ZSCAN5A: variants seen among roughly 807,000 people sequenced by gnomAD.
ZSCAN5A encodes zinc finger and SCAN domain-containing protein 5A.
Under a neutral mutation model 23.7 loss-of-function variants are expected in ZSCAN5A, and 12 were observed. The ratio of observed to expected loss-of-function variants is 0.51; its 90% CI spans 0.32 to 0.82. ZSCAN5A has a LOEUF of 0.82. Among genes scored for constraint, ZSCAN5A ranks in the 40% least tolerant of loss-of-function variants. The pLI is 0.03. For synonymous variants in ZSCAN5A, 257 were observed against 239.9 expected (o/e 1.07, Z -0.66); for missense variants, 597 against 617.9 (o/e 0.97, Z 0.36).
chr19:56,315,429 T>C (rs1325438793), upstream of ZSCAN5A: 1 of 152,214 alleles, frequency 6.6e-6, no homozygotes, highest in Non-Finnish European at 1.5e-5. Flanking sequence ...AAATGCTGGC[T>C]CCAAAGTGGT....
chr19:56,326,393 A>G (rs897610366), intron 2 of ZSCAN5A, among the ~76,000 whole-genome samples: 3 of 151,520 alleles, frequency 2.0e-5, no homozygotes, highest in African/African-American at 4.9e-5. Context: ...AGGATTCTCT[A>G]TGTTCACCAT....
At chr19:56,250,662 A>G (rs887771709) in intron 2 of ZSCAN5A, among the ~76,000 whole-genome samples, 7 of 152,128 alleles carry the variant, frequency 4.6e-5, no homozygotes, top group Admixed American at 3.3e-4. Flanking sequence ...GAAATATTCA[A>G]TCCTTCTGGT....
In ZSCAN5A at chr19:56,284,206, G is replaced by GGTAA. The variant is rs144123169; in HGVS notation, c.-128+29073_-128+29076dup. On this transcript the variant is annotated intron_variant, in intron 2 of 5. Coordinates refer to ENST00000683990, the MANE Select transcript of ZSCAN5A (RefSeq NM_001322064.3). ...GGATGGGCTGCCATCAGGGATCATA[G>GGTAA]GTAAGTACCTTGCCACTTCACAATG... 3.1e-3 allele frequency: 3,072 copies of GGTAA among 985,264 alleles called. 71 individuals are homozygous for GGTAA. In the African/African-American group the frequency reaches 0.05, roughly 16 times the overall value. The allele number at this position is 985,264 out of a possible 1,614,324, so 61.0% of individuals were successfully genotyped here.
intron 2 of ZSCAN5A, among the ~76,000 whole-genome samples, chr19:56,234,497 TA>T (rs368156018): frequency 0.036 from 5,378 of 148,734 alleles, 317 homozygotes; most frequent in African/African-American, 0.12. Flanking sequence ...ATACCTGTTT[TA>T]AAAAAAAAAC....
At chr19:56,302,615 C>G (rs1209782107) in intron 2 of ZSCAN5A, among the ~76,000 whole-genome samples, 1 of 127,106 alleles carries the variant, frequency 7.9e-6, no homozygotes, top group Non-Finnish European at 1.6e-5. Context: ...TCCTCTCCCT[C>G]TTCCTCCCTC....
intron 2 of ZSCAN5A, among the ~76,000 whole-genome samples, chr19:56,329,776 T>C (rs1328798281): frequency 6.6e-6 from 1 of 152,224 alleles, no homozygotes; most frequent in Non-Finnish European, 1.5e-5. Flanking sequence ...ATCACCATTG[T>C]AATCTGGGTA....
At chr19:56,246,737 TG>T (rs2035932276) in intron 2 of ZSCAN5A, 1 of 1,354,764 alleles carries the variant, frequency 7.4e-7, no homozygotes, top group Middle Eastern at 1.8e-4. Context: ...CCAGCAGGTG[TG>T]GTGGGAGCAA....
intron 2 of ZSCAN5A, among the ~76,000 whole-genome samples, chr19:56,268,629 T>A (rs2146931911): frequency 6.6e-6 from 1 of 152,264 alleles, no homozygotes; most frequent in Non-Finnish European, 1.5e-5. Context: ...ACTTTTTTAA[T>A]TGAGGTAAAA....
chr19:56,353,651 A>T (rs149525290), intron 2 of ZSCAN5A, among the ~76,000 whole-genome samples: 1 of 151,954 alleles, frequency 6.6e-6, no homozygotes, highest in Non-Finnish European at 1.5e-5. Flanking sequence ...GCGTGGTGGC[A>T]GGCACCTGTA....
At chr19:56,274,039 C>T (rs10427066) in intron 2 of ZSCAN5A, among the ~76,000 whole-genome samples, 21,063 of 152,110 alleles carry the variant, frequency 0.14, 1,729 homozygotes, top group Middle Eastern at 0.21. Context: ...AAACAGCTCA[C>T]AGGATTGAGT....
At chr19:56,338,092 C>T (rs2041557877) in intron 2 of ZSCAN5A, among the ~76,000 whole-genome samples, 1 of 152,102 alleles carries the variant, frequency 6.6e-6, no homozygotes, top group East Asian at 1.9e-4. Context: ...TTCCAATGAG[C>T]CCAGAATCTT....
chr19:56,321,137 C>T (rs537028693), intron 2 of ZSCAN5A: 8 of 661,724 alleles, frequency 1.2e-5, no homozygotes, highest in East Asian at 6.2e-5. Context: ...GCTAGGATGT[C>T]GCCCCTCTTC....
rs569370469 is a variant in ZSCAN5A, at chr19:56,251,428, G to A, written c.-127-26255C>T. 7.9e-5 allele frequency among the ~76,000 whole-genome samples: 12 copies of A among 152,206 alleles called. No individual in the cohort carries two copies. In the East Asian group the frequency reaches 2.1e-3, roughly 27 times the overall value. Reference sequence around the variant, plus strand: ...GGAGTTTCGAAAGAGAATCTGCATTGAGAAGCTGTATCAGTCAGAGTCCAA... The same window carrying A: ...GGAGTTTCGAAAGAGAATCTGCATTAAGAAGCTGTATCAGTCAGAGTCCAA... On this transcript the variant is annotated intron_variant, in intron 2 of 5. Coordinates refer to ENST00000683990, the MANE Select transcript of ZSCAN5A (RefSeq NM_001322064.3).
rs191981707 is a variant in ZSCAN5A at position 56,262,309 on chromosome 19, G to A, written c.-127-37136C>T. ...GCTAGGATTACAGGCATGAGCCACCGTGCCCGGCCCACTTTTCTAACTTCT... is the reference window on the plus strand; with the variant it reads ...GCTAGGATTACAGGCATGAGCCACCATGCCCGGCCCACTTTTCTAACTTCT... On this transcript the variant is annotated intron_variant, in intron 2 of 5. Coordinates refer to ENST00000683990, the MANE Select transcript of ZSCAN5A (RefSeq NM_001322064.3). Among the ~76,000 whole-genome samples, 277 of 151,954 alleles carry A rather than the reference G, an allele frequency of 1.8e-3. 7 individuals carry two copies. The highest frequency in any genetic ancestry group is 0.017 in the Admixed American group (261 of 15,240).
At position 56,222,637 on chromosome 19, in the gene ZSCAN5A, C is replaced by T. The variant is rs764148776; in HGVS notation, c.693G>A (p.Glu231=). The T allele has an allele frequency of 3.7e-6, 6 of 1,614,062 alleles. No homozygotes were observed. Among genetic ancestry groups the T allele is most frequent in the Non-Finnish European group, 5.1e-6 (6 of 1,180,048 alleles). Reference sequence around the variant, plus strand: ...GCTCTGGGGATGTCAGTCCTGGGTTCTCTTCCCTGTTTTCCTTCAGATCCT... The same window carrying T: ...GCTCTGGGGATGTCAGTCCTGGGTTTTCTTCCCTGTTTTCCTTCAGATCCT... ...LEKDLKENRE[E]NPGLTSPEPQ... The change falls in exon 5 of 6, where the codon GAG becomes GAA. Residue 231 remains glutamate, a synonymous_variant. Transcript: ENST00000683990.
chr19:56,224,875 G>A lies in ZSCAN5A; in HGVS notation c.172C>T (p.Pro58Ser). The change falls in exon 3 of 6, where the codon CCC (proline) becomes TCC (serine). Residue 58 changes from proline to serine, a missense_variant. Pro to Ser is a moderately conservative substitution (Grantham distance 74). Transcript: ENST00000683990. ...GTGAGTTTCCTCAGAGCCTGGATGG[G>A]GTCCGACTCCTTCGGGCAGCTGAAC... is the stretch of plus-strand genomic sequence containing the variant. ...RMFSCPKESD[P>S]IQALRKLTEL... 1 of 1,614,168 alleles carries A rather than the reference G, an allele frequency of 6.2e-7. No homozygotes were observed. Among genetic ancestry groups the A allele is most frequent in the Non-Finnish European group, 8.5e-7 (1 of 1,180,026 alleles).
intron 2 of ZSCAN5A, among the ~76,000 whole-genome samples, chr19:56,255,615 T>C (rs922782364): frequency 6.6e-6 from 1 of 151,992 alleles, no homozygotes; most frequent in African/African-American, 2.4e-5. Flanking sequence ...TTTGGCTTTT[T>C]TTTTTTCTCC....
At chr19:56,342,478 C>A in intron 2 of ZSCAN5A, 1 of 398,780 alleles carries the variant, frequency 2.5e-6, no homozygotes, top group Admixed American at 2.6e-5. Context: ...TAGGCAAATT[C>A]TGTGTGGGCT....
At chr19:56,320,710 T>G in intron 2 of ZSCAN5A, 1 of 1,123,454 alleles carries the variant, frequency 8.9e-7, no homozygotes, top group Non-Finnish European at 1.4e-6. Context: ...AGTTCACCTC[T>G]GCTTCAATAT....
Sources: allele counts gnomAD v4.1 joint callset (sites outside exome capture counted in the v4.1 genomes callset), GRCh38; gene constraint gnomAD v4.1.1; transcripts MANE v1.5; gene names NCBI Gene and HGNC (gene_info 2026-07-23, HGNC 2026-07-21).